The following TRAF3 variants were observed in gnomAD, a reference collection of about 807,000 sequenced individuals.
TRAF3 encodes the protein TNF receptor-associated factor 3.
Under a neutral mutation model 62.3 loss-of-function variants are expected in TRAF3, and 13 were observed. That is an observed-to-expected ratio of 0.21 (90% CI 0.14 to 0.33). TRAF3 has a LOEUF of 0.33. TRAF3 is among the 10% of genes least tolerant of loss of function. The probability of loss-of-function intolerance (pLI) is 1.00; values close to 1 mark genes in which losing one functional copy is unlikely to be tolerated. For missense variants in TRAF3, 440 were observed against 741.8 expected (o/e 0.59, Z 4.73); for synonymous variants, 269 against 283.4 (o/e 0.95, Z 0.51).
intron 2 of TRAF3, among the ~76,000 whole-genome samples, chr14:102,861,764 G>A (rs1167979999): frequency 6.6e-6 from 1 of 152,168 alleles, no homozygotes; most frequent in Non-Finnish European, 1.5e-5. Flanking sequence ...CTACTCAATA[G>A]GCAGAGCAGC....
At chr14:102,855,615 G>T (rs146387490) in intron 2 of TRAF3, among the ~76,000 whole-genome samples, 2 of 151,946 alleles carry the variant, frequency 1.3e-5, no homozygotes, top group African/African-American at 4.8e-5. Flanking sequence ...GGGCAACATG[G>T]TGAAACCCCA....
At chr14:102,888,508 T>C (rs1480994797) in intron 7 of TRAF3, among the ~76,000 whole-genome samples, 1 of 152,220 alleles carries the variant, frequency 6.6e-6, no homozygotes, top group Non-Finnish European at 1.5e-5. Flanking sequence ...GCCTTTGTCC[T>C]GGTAGACTGA....
Position 102,903,618 on chromosome 14 carries a change from C to A in TRAF3, c.1135+189C>A. On this transcript the variant is annotated intron_variant, in intron 11 of 11. Coordinates refer to ENST00000392745, the MANE Select transcript of TRAF3 (RefSeq NM_145725.3). This position sits in a 1 kb window ranked among gnomAD's most constrained non-coding sequence, Gnocchi z 6.4. ...TCCCCCAGCAAAGACAAACGTTTCC[C>A]GCGCAGGCTTGTCCCCTCCGTGTGA... 1.2e-6 allele frequency: 1 copy of A among 866,788 alleles called. No homozygotes were observed. The allele number at this position is 866,788 out of a possible 1,614,324, so 53.7% of individuals were successfully genotyped here.
At chr14:102,869,792 C>T (rs987603366) in intron 2 of TRAF3, among the ~76,000 whole-genome samples, 2 of 147,196 alleles carry the variant, frequency 1.4e-5, no homozygotes, top group Non-Finnish European at 3.0e-5. Flanking sequence ...GGCAACAGAG[C>T]GAGACTCCGT....
chr14:102,875,575 G>A, intron 4 of TRAF3, 49 bp from the exon 5 acceptor site: 1 of 1,505,190 alleles, frequency 6.6e-7, no homozygotes, highest in South Asian at 1.1e-5. Flanking sequence ...AGCAGCATGT[G>A]GAGATTAAGA....
intron 1 of TRAF3, among the ~76,000 whole-genome samples, chr14:102,825,192 G>A (rs893626902): frequency 2.6e-5 from 4 of 152,232 alleles, no homozygotes; most frequent in African/African-American, 9.6e-5. Flanking sequence ...AAAGCGTCAG[G>A]CCGCTCAGAG....
At chr14:102,895,196 G>A (rs772651928) in intron 9 of TRAF3, 36 of 448,390 alleles carry the variant, frequency 8.0e-5, no homozygotes, top group Non-Finnish European at 1.5e-4. Context: ...CCACATTCGT[G>A]CAGGTTGATC....
intron 2 of TRAF3, among the ~76,000 whole-genome samples, chr14:102,844,588 C>T (rs1316156078): frequency 1.3e-5 from 2 of 152,144 alleles, no homozygotes; most frequent in Non-Finnish European, 2.9e-5. Context: ...AAGCTGTGGA[C>T]TGAGCTGGGA....
At chr14:102,853,167 C>G (rs1160277281) in intron 2 of TRAF3, among the ~76,000 whole-genome samples, 2 of 152,098 alleles carry the variant, frequency 1.3e-5, no homozygotes, top group Non-Finnish European at 2.9e-5. Context: ...TCCTAAAGTG[C>G]TGGGATTACA....
chr14:102,873,840 T>G lies in TRAF3; in HGVS notation c.298-1784T>G, dbSNP rs575395841. On this transcript the variant is annotated intron_variant, in intron 4 of 11. Transcript: ENST00000392745. Reference sequence around the variant, plus strand: ...ATTTTTAACTCTTAACAGCTGTTGATTTTATTTCTCTCAGCAGTCCAAAAA... The same window carrying G: ...ATTTTTAACTCTTAACAGCTGTTGAGTTTATTTCTCTCAGCAGTCCAAAAA... Among the ~76,000 whole-genome samples the G allele has an allele frequency of 1.1e-4, 17 of 152,330 alleles. No individual in the cohort carries two copies. The South Asian group carries it at 3.1e-3, about 28-fold the overall frequency.
At chr14:102,898,325 T>C (rs550932181) in intron 10 of TRAF3, among the ~76,000 whole-genome samples, 1 of 152,348 alleles carries the variant, frequency 6.6e-6, no homozygotes, top group East Asian at 1.9e-4. Context: ...TTAGATTGTA[T>C]TAGAAAAGGC....
chr14:102,893,235 C>G (rs1318065502), intron 9 of TRAF3, among the ~76,000 whole-genome samples: 1 of 150,762 alleles, frequency 6.6e-6, no homozygotes, highest in Non-Finnish European at 1.5e-5. Flanking sequence ...AAAAAAAATA[C>G]AAAAATTACG....
intron 9 of TRAF3, among the ~76,000 whole-genome samples, chr14:102,895,657 G>A (rs1398438210): frequency 1.3e-5 from 2 of 152,164 alleles, no homozygotes; most frequent in African/African-American, 4.8e-5. Flanking sequence ...TAATAGATGG[G>A]GGATCAAGAT....
At chr14:102,800,960 C>T (rs1449487247) in intron 1 of TRAF3, among the ~76,000 whole-genome samples, 2 of 151,632 alleles carry the variant, frequency 1.3e-5, no homozygotes, top group African/African-American at 2.4e-5. Context: ...GGGCGGATCA[C>T]GAGGTCAGGA....
chr14:102,877,413 C>A (rs542385531), intron 6 of TRAF3, among the ~76,000 whole-genome samples: 1 of 145,360 alleles, frequency 6.9e-6, no homozygotes, highest in East Asian at 2.1e-4. Context: ...ACAGGCCTTC[C>A]GCTCAGCTCA....
intron 2 of TRAF3, among the ~76,000 whole-genome samples, chr14:102,843,457 C>T (rs1022293397): frequency 6.6e-6 from 1 of 151,914 alleles, no homozygotes; most frequent in African/African-American, 2.4e-5. Flanking sequence ...CCTGCCTCAG[C>T]CTCCCTAGTA....
chr14:102,780,109 G>A (rs893746528), intron 1 of TRAF3, among the ~76,000 whole-genome samples: 7 of 152,276 alleles, frequency 4.6e-5, no homozygotes, highest in African/African-American at 1.7e-4. Flanking sequence ...TGAGGCCAGA[G>A]GATTTGGAAG....
chr14:102,871,904 T>G lies in TRAF3; in HGVS notation c.246-13T>G. The G allele has an allele frequency of 6.2e-7, 1 of 1,613,932 alleles. No homozygotes were observed. The highest frequency in any genetic ancestry group is 8.5e-7 in the Non-Finnish European group (1 of 1,179,776). On this transcript the variant is annotated splice_polypyrimidine_tract_variant and intron_variant, in intron 3 of 11. Coordinates refer to ENST00000392745, the MANE Select transcript of TRAF3 (RefSeq NM_145725.3). ...ACTTCCACTCTAATGCAGTCACTTGTGTTTCCCTGCAGCTCTTCAAGTCCA... is the reference window on the plus strand; with the variant it reads ...ACTTCCACTCTAATGCAGTCACTTGGGTTTCCCTGCAGCTCTTCAAGTCCA...
chr14:102,783,379 A>C (rs1004153294), intron 1 of TRAF3, among the ~76,000 whole-genome samples: 1 of 152,222 alleles, frequency 6.6e-6, no homozygotes, highest in East Asian at 1.9e-4. Context: ...TTAATGACTT[A>C]AAAGCTGGAA....
Sources: allele counts gnomAD v4.1 joint callset (sites outside exome capture counted in the v4.1 genomes callset), GRCh38; gene constraint gnomAD v4.1.1; non-coding constraint Gnocchi (gnomAD v3.1); transcripts MANE v1.5; gene names NCBI Gene and HGNC (gene_info 2026-07-23, HGNC 2026-07-21).